SLC24A2: variants seen among roughly 807,000 people sequenced by gnomAD.
SLC24A2 encodes the protein solute carrier family 24 member 2.
Under a neutral mutation model 62.0 loss-of-function variants are expected in SLC24A2, and 36 were observed. That is an observed-to-expected ratio of 0.58 (90% CI 0.44 to 0.77). The LOEUF (loss-of-function observed/expected upper bound fraction) is 0.77, where lower values mean the gene tolerates loss of function less well. SLC24A2 is among the 30% of genes least tolerant of loss of function. The pLI is 0.00. For missense variants in SLC24A2, 846 were observed against 817.9 expected, an observed-to-expected ratio of 1.03 and a Z score of -0.42; for synonymous variants, 358 against 294.0, an observed-to-expected ratio of 1.22 and a Z score of -2.23.
chr9:20,085,266 T>C, the SLC24A2 span, among the ~76,000 whole-genome samples: 1 of 152,202 alleles, frequency 6.6e-6, no homozygotes, highest in African/African-American at 2.4e-5. Flanking sequence ...CCCAAAATGC[T>C]GGGATTACAG....
Position 19,584,300 on chromosome 9 carries a change from A to AC in SLC24A2, c.1130-7279_1130-7278insG, listed in dbSNP as rs1429862658. 8.1e-3 allele frequency among the ~76,000 whole-genome samples: 1,233 copies of AC among 151,326 alleles called. 24 individuals are homozygous for AC. The highest frequency in any genetic ancestry group is 0.027 in the African/African-American group (1,103 of 40,858). Reference sequence around the variant, plus strand: ...AAAAAAAAAAAAAAAAAAACAAACAAAAAACAAAACAAAACAAACAAACAA... The same window carrying AC: ...AAAAAAAAAAAAAAAAAAACAAACAACAAAACAAAACAAAACAAACAAACAA... On this transcript the variant is annotated intron_variant, in intron 5 of 10. Transcript: ENST00000341998.
chr9:20,201,776 A>G, the SLC24A2 span, among the ~76,000 whole-genome samples: 104 of 152,230 alleles, frequency 6.8e-4, no homozygotes, highest in African/African-American at 2.3e-3. Flanking sequence ...ACATTTTTAA[A>G]TTGTTCATTA....
chr9:19,983,440 C>G, the SLC24A2 span, among the ~76,000 whole-genome samples: 1 of 152,058 alleles, frequency 6.6e-6, no homozygotes, highest in East Asian at 1.9e-4. Flanking sequence ...GTCAAGAGAT[C>G]GAGACCATAC....
chr9:19,722,901 A>C (rs1821069314), intron 2 of SLC24A2, among the ~76,000 whole-genome samples: 1 of 152,144 alleles, frequency 6.6e-6, no homozygotes, highest in South Asian at 2.1e-4. Flanking sequence ...TCGTATGGAA[A>C]GACAGATTTT....
chr9:19,674,826 A>C (rs2118345804), intron 2 of SLC24A2, among the ~76,000 whole-genome samples: 2 of 152,272 alleles, frequency 1.3e-5, no homozygotes, highest in South Asian at 4.1e-4. Flanking sequence ...TGATTAACTT[A>C]ATGATTGACC....
At chr9:19,811,258 A>G in the SLC24A2 span, among the ~76,000 whole-genome samples, 2,045 of 152,270 alleles carry the variant, frequency 0.013, 25 homozygotes, top group Non-Finnish European at 0.022. Context: ...ACATATTGGC[A>G]CCCTGATCTC....
chr9:20,019,274 A>AGAAAGAAAGAAG, the SLC24A2 span, among the ~76,000 whole-genome samples: 1 of 148,586 alleles, frequency 6.7e-6, no homozygotes, highest in African/African-American at 2.5e-5. Context: ...AAAGAAAGAA[A>AGAAAGAAAGAAG]GAAAGAAAGA....
At chr9:19,654,874 G>C (rs1818901702) in intron 2 of SLC24A2, among the ~76,000 whole-genome samples, 1 of 152,092 alleles carries the variant, frequency 6.6e-6, no homozygotes, top group African/African-American at 2.4e-5. Flanking sequence ...GTTCACTGTG[G>C]AGACAAACAA....
At chr9:20,097,439 C>G in the SLC24A2 span, among the ~76,000 whole-genome samples, 1 of 152,124 alleles carries the variant, frequency 6.6e-6, no homozygotes, top group African/African-American at 2.4e-5. Context: ...TCTTCTATAT[C>G]TTTAAAAATA....
At chr9:19,532,976 G>C (rs1198640894) in intron 8 of SLC24A2, among the ~76,000 whole-genome samples, 4 of 152,062 alleles carry the variant, frequency 2.6e-5, no homozygotes, top group African/African-American at 7.2e-5. Flanking sequence ...GGTCCTCATT[G>C]AAGTTTATAT....
the SLC24A2 span, among the ~76,000 whole-genome samples, chr9:20,256,309 G>C: frequency 6.6e-6 from 1 of 152,164 alleles, no homozygotes; most frequent in Non-Finnish European, 1.5e-5. Context: ...AAATGGTGTA[G>C]AGTGTGAGAC....
At chr9:19,581,050 G>C (rs914920475) in intron 5 of SLC24A2, among the ~76,000 whole-genome samples, 33 of 152,300 alleles carry the variant, frequency 2.2e-4, no homozygotes, top group Middle Eastern at 3.4e-3. Flanking sequence ...GAATCAAACA[G>C]AATCTAAGGG....
At chr9:19,904,029 G>A in the SLC24A2 span, among the ~76,000 whole-genome samples, 1 of 152,174 alleles carries the variant, frequency 6.6e-6, no homozygotes, top group East Asian at 1.9e-4. Flanking sequence ...GGTCTAATGG[G>A]ACAAGTCATA....
chr9:19,765,027 T>C (rs568778387), intron 2 of SLC24A2, among the ~76,000 whole-genome samples: 1 of 152,348 alleles, frequency 6.6e-6, no homozygotes, highest in South Asian at 2.1e-4. Context: ...CTTGTTGCAT[T>C]GATCCCTTTA....
At chr9:20,229,889 CA>C in the SLC24A2 span, among the ~76,000 whole-genome samples, 2 of 148,206 alleles carry the variant, frequency 1.3e-5, no homozygotes, top group Non-Finnish European at 3.0e-5. Flanking sequence ...CCCCCTCCCC[CA>C]ACCCCACAAC....
At chr9:19,951,504 G>C in the SLC24A2 span, among the ~76,000 whole-genome samples, 1 of 151,962 alleles carries the variant, frequency 6.6e-6, no homozygotes, top group East Asian at 1.9e-4. Context: ...TTATATTTAG[G>C]TCTATGGCAC....
At chr9:19,671,772 T>TTGCTCTGTCCTTCA (rs762737353) in intron 2 of SLC24A2, among the ~76,000 whole-genome samples, 108 of 145,716 alleles carry the variant, frequency 7.4e-4, no homozygotes, top group African/African-American at 1.5e-3. Flanking sequence ...AAATAGATGC[T>TTGCTCTGTCCTTCA]GGATTTTGTC....
At chr9:20,176,430 T>C in the SLC24A2 span, among the ~76,000 whole-genome samples, 2 of 152,022 alleles carry the variant, frequency 1.3e-5, no homozygotes, top group African/African-American at 4.8e-5. Context: ...TACCTGAAAT[T>C]TCCAGTATAA....
the SLC24A2 span, among the ~76,000 whole-genome samples, chr9:20,115,532 A>G: frequency 6.6e-6 from 1 of 152,128 alleles, no homozygotes; most frequent in Non-Finnish European, 1.5e-5. Context: ...ACTTTAGGGT[A>G]TTGTTTTCTG....
Sources: gnomAD v4.1 joint callset for allele counts (sites outside exome capture counted in the v4.1 genomes callset) on GRCh38, gnomAD v4.1.1 for gene constraint, MANE v1.5 for transcripts, NCBI Gene and HGNC (gene_info 2026-07-23, HGNC 2026-07-21) for gene names.